TMEM184B: variants seen among roughly 807,000 people sequenced by gnomAD.
TMEM184B encodes transmembrane protein 184B.
In TMEM184B, 17 loss-of-function variants were observed where a neutral mutation model predicts 41.8. The ratio of observed to expected loss-of-function variants is 0.41; its 90% confidence interval spans 0.28 to 0.61. The LOEUF is 0.61. TMEM184B is among the 20% of genes least tolerant of loss of function. The probability of loss-of-function intolerance (pLI) is 0.34; values close to 1 mark genes in which losing one functional copy is unlikely to be tolerated. For synonymous variants in TMEM184B, 240 were observed against 229.5 expected (o/e 1.05, Z -0.41); for missense variants, 393 against 557.8 (o/e 0.70, Z 2.98).
intron 1 of TMEM184B, among the ~76,000 whole-genome samples, chr22:38,259,067 A>G (rs2092328880): frequency 6.6e-6 from 1 of 152,136 alleles, no homozygotes; most frequent in African/African-American, 2.4e-5. Flanking sequence ...CTCTTCCAGG[A>G]AAGACGTCTT....
chr22:38,271,755 G>A (rs561827571), intron 1 of TMEM184B, among the ~76,000 whole-genome samples: 60 of 152,278 alleles, frequency 3.9e-4, no homozygotes, highest in African/African-American at 1.4e-3. Flanking sequence ...GGCTGCTGGG[G>A]CTCTCCCACC....
chr22:38,256,332 G>C (rs992298249), intron 1 of TMEM184B, among the ~76,000 whole-genome samples: 1 of 151,816 alleles, frequency 6.6e-6, no homozygotes, highest in African/African-American at 2.4e-5. Flanking sequence ...TCCTGCCTCA[G>C]CCTCCCAAGT....
At chr22:38,235,028 T>G (rs2091738015) in intron 3 of TMEM184B, among the ~76,000 whole-genome samples, 1 of 152,142 alleles carries the variant, frequency 6.6e-6, no homozygotes, top group African/African-American at 2.4e-5. Context: ...GACTGTAAAC[T>G]CCTTGCAGGT....
intron 1 of TMEM184B, among the ~76,000 whole-genome samples, chr22:38,263,199 G>A (rs1316949522): frequency 1.3e-5 from 2 of 152,018 alleles, no homozygotes; most frequent in African/African-American, 4.8e-5. Flanking sequence ...CACCGCACCT[G>A]GCCCATTTTA....
chr22:38,225,605 G>C lies in TMEM184B; in HGVS notation c.618-12C>G. ...AGCCACTGGTGACGCTGCGGGACGGGGAGCATTTTCTGGCTGGGACAGACC... is the reference window on the plus strand; with the variant it reads ...AGCCACTGGTGACGCTGCGGGACGGCGAGCATTTTCTGGCTGGGACAGACC... On this transcript the variant is annotated splice_polypyrimidine_tract_variant and intron_variant, in intron 6 of 8. Transcript: ENST00000361906. The surrounding 1 kb of genome is among the most constrained non-coding windows in gnomAD (Gnocchi z 4.4). 2 of 1,601,460 alleles carry C rather than the reference G, an allele frequency of 1.2e-6. No homozygotes were observed. Among genetic ancestry groups the C allele is most frequent in the East Asian group, 4.6e-5 (2 of 43,758 alleles).
chr22:38,242,065 C>T (rs6001064), intron 3 of TMEM184B, among the ~76,000 whole-genome samples: 49,335 of 151,604 alleles, frequency 0.33, 8,170 homozygotes, highest in Admixed American at 0.38. Flanking sequence ...GTACAGTGAA[C>T]TTCAGAGTGA....
chr22:38,217,755 CG>C (rs1479140183), downstream of TMEM184B, among the ~76,000 whole-genome samples: 4 of 146,174 alleles, frequency 2.7e-5, no homozygotes, highest in Admixed American at 7.1e-5. Context: ...CGCTTAAACC[CG>C]GGAAGCAGAG....
intron 3 of TMEM184B, among the ~76,000 whole-genome samples, chr22:38,237,396 A>T (rs1396857555): frequency 6.6e-6 from 1 of 152,214 alleles, no homozygotes; most frequent in East Asian, 1.9e-4. Flanking sequence ...CTGTGTGCCT[A>T]CTGTGTGCCA....
At chr22:38,252,511 G>A (rs2092189187) in intron 1 of TMEM184B, among the ~76,000 whole-genome samples, 1 of 152,208 alleles carries the variant, frequency 6.6e-6, no homozygotes, top group Admixed American at 6.5e-5. Flanking sequence ...CAGCCTTTAA[G>A]GTGCTCCAAG....
Position 38,219,862 on chromosome 22 carries a change from AG to A in TMEM184B, c.*1606del. 1.0e-6 allele frequency: 1 copy of A among 985,324 alleles called. No homozygotes were observed. Among genetic ancestry groups the A allele is most frequent in the Non-Finnish European group, 1.2e-6 (1 of 829,918 alleles). 61.0% of individuals were successfully genotyped at this position (985,324 alleles called of 1,614,324 possible). A position where few individuals can be genotyped will look rare whatever the true frequency, so the allele number is the denominator to read the frequency against. ...CAACTGCTCCGCCCCCCCAAGATGGAGGGGGAGAGCTGGCCTCTGGCACCCA... is the reference window on the plus strand; with the variant it reads ...CAACTGCTCCGCCCCCCCAAGATGGAGGGGAGAGCTGGCCTCTGGCACCCA... On this transcript the variant is annotated 3_prime_UTR_variant, in exon 9 of 9. Transcript: ENST00000361906.
chr22:38,265,839 T>C (rs1157099780), intron 1 of TMEM184B, among the ~76,000 whole-genome samples: 1 of 152,202 alleles, frequency 6.6e-6, no homozygotes, highest in African/African-American at 2.4e-5. Flanking sequence ...ACCAGGAGGC[T>C]CTGCCAGTAG....
At chr22:38,216,630 T>A (rs1027009426), downstream of TMEM184B, 1 of 154,048 alleles carries the variant, frequency 6.5e-6, no homozygotes, top group African/African-American at 2.4e-5. Context: ...TTGCACAGGG[T>A]ATGAGGTGGA....
At chr22:38,269,584 CG>C (rs1018321243) in intron 1 of TMEM184B, among the ~76,000 whole-genome samples, 1 of 152,098 alleles carries the variant, frequency 6.6e-6, no homozygotes, top group Non-Finnish European at 1.5e-5. Flanking sequence ...ATAATCTCAG[CG>C]CTTTAGAAGG....
intron 1 of TMEM184B, among the ~76,000 whole-genome samples, chr22:38,261,309 C>G (rs1044348318): frequency 6.6e-6 from 1 of 152,172 alleles, no homozygotes; most frequent in African/African-American, 2.4e-5. Flanking sequence ...TGAAAAGGAT[C>G]ACATGCCCTC....
chr22:38,236,143 G>A (rs1209866565), intron 3 of TMEM184B, among the ~76,000 whole-genome samples: 1 of 152,164 alleles, frequency 6.6e-6, no homozygotes, highest in Non-Finnish European at 1.5e-5. Flanking sequence ...TTTTGTCTTT[G>A]GAGACTGGAA....
intron 3 of TMEM184B, among the ~76,000 whole-genome samples, chr22:38,237,738 C>T (rs2091811767): frequency 1.3e-5 from 2 of 151,694 alleles, no homozygotes; most frequent in African/African-American, 2.4e-5. Flanking sequence ...CAGGGGTCTG[C>T]GTGGTACAAG....
intron 3 of TMEM184B, 52 bp downstream of exon 3, chr22:38,245,883 T>TGCCCCCCCCCC: frequency 7.8e-7 from 1 of 1,288,710 alleles, no homozygotes; most frequent in Non-Finnish European, 1.1e-6. Context: ...GGACAGGGGC[T>TGCCCCCCCCCC]CCCAGCCCCC....
intron 3 of TMEM184B, among the ~76,000 whole-genome samples, chr22:38,244,782 C>T (rs2091987787): frequency 6.6e-6 from 1 of 152,194 alleles, no homozygotes; most frequent in Non-Finnish European, 1.5e-5. Flanking sequence ...AGGAACCCCT[C>T]CTCTCCATTC....
chr22:38,266,970 C>T (rs1398186389), intron 1 of TMEM184B, among the ~76,000 whole-genome samples: 2 of 151,890 alleles, frequency 1.3e-5, no homozygotes, highest in Admixed American at 1.3e-4. Context: ...GTACTCCCAG[C>T]TACTCGGGAG....
Sources: gnomAD v4.1 joint callset for allele counts (sites outside exome capture counted in the v4.1 genomes callset) on GRCh38, gnomAD v4.1.1 for gene constraint, Gnocchi (gnomAD v3.1) non-coding constraint, MANE v1.5 for transcripts, NCBI Gene and HGNC (gene_info 2026-07-23, HGNC 2026-07-21) for gene names.